Variants in ARHGAP24 observed in about 807,000 individuals in gnomAD.
ARHGAP24 encodes the protein Rho GTPase activating protein 24, also known as rho GTPase-activating protein 24.
ARHGAP24 carries 50 observed loss-of-function variants against 76.4 expected under a neutral mutation model. That is an observed-to-expected ratio of 0.65 (90% CI 0.52 to 0.83). The LOEUF is 0.83. Among genes scored for constraint, ARHGAP24 ranks in the 40% least tolerant of loss-of-function variants. The pLI, the probability that ARHGAP24 is intolerant of heterozygous loss-of-function variation, is 0.00. For synonymous variants in ARHGAP24, 345 were observed against 323.3 expected (o/e 1.07, Z -0.72); for missense variants, 930 against 914.2 (o/e 1.02, Z -0.22).
At chr4:85,642,559 C>T (rs1031271646) in intron 2 of ARHGAP24, among the ~76,000 whole-genome samples, 1 of 132,636 alleles carries the variant, frequency 7.5e-6, no homozygotes, top group Middle Eastern at 3.8e-3. Context: ...TTGAGAGTCA[C>T]GCTTGACTCT....
intron 2 of ARHGAP24, among the ~76,000 whole-genome samples, chr4:85,599,710 T>C (rs115751543): frequency 0.022 from 3,419 of 152,276 alleles, 137 homozygotes; most frequent in African/African-American, 0.078. Context: ...ATTCTAAATA[T>C]AAAATTTAAG....
At chr4:85,747,897 G>A (rs1020584) in intron 3 of ARHGAP24, among the ~76,000 whole-genome samples, 106,471 of 152,094 alleles carry the variant, frequency 0.7, 38,757 homozygotes, top group Non-Finnish European at 0.82. Flanking sequence ...GATTTGGAGG[G>A]GACAATGTTT....
At chr4:85,669,209 A>T (rs770286346) in intron 2 of ARHGAP24, among the ~76,000 whole-genome samples, 1 of 152,056 alleles carries the variant, frequency 6.6e-6, no homozygotes, top group Non-Finnish European at 1.5e-5. Flanking sequence ...ATTGCCTCAA[A>T]ATTCAATCTT....
intron 5 of ARHGAP24, among the ~76,000 whole-genome samples, chr4:85,963,564 T>C (rs2148844004): frequency 6.6e-6 from 1 of 152,246 alleles, no homozygotes; most frequent in South Asian, 2.1e-4. Flanking sequence ...CTTATAAGTG[T>C]CTCGATCCTG....
At chr4:85,669,658 T>A (rs1722753963) in intron 2 of ARHGAP24, among the ~76,000 whole-genome samples, 1 of 55,852 alleles carries the variant, frequency 1.8e-5, no homozygotes, top group African/African-American at 6.1e-5. Flanking sequence ...TATATATATA[T>A]ATATATATAT....
At chr4:85,666,775 G>T (rs1188023408) in intron 2 of ARHGAP24, among the ~76,000 whole-genome samples, 1 of 152,206 alleles carries the variant, frequency 6.6e-6, no homozygotes, top group East Asian at 1.9e-4. Context: ...GACCCTGTTT[G>T]CCTGGGTATC....
At chr4:85,868,214 A>C in intron 3 of ARHGAP24, among the ~76,000 whole-genome samples, 1 of 152,090 alleles carries the variant, frequency 6.6e-6, no homozygotes, top group Non-Finnish European at 1.5e-5. Context: ...AAAAGAGTTA[A>C]GTTATTGTCT....
intron 3 of ARHGAP24, among the ~76,000 whole-genome samples, chr4:85,792,408 C>T (rs191593430): frequency 2.6e-5 from 4 of 152,190 alleles, no homozygotes; most frequent in Admixed American, 2.6e-4. Flanking sequence ...GCACAAACTG[C>T]TTTAAAGAAA....
chr4:85,647,999 G>T (rs1048887676), intron 2 of ARHGAP24, among the ~76,000 whole-genome samples: 2 of 152,060 alleles, frequency 1.3e-5, no homozygotes, highest in Non-Finnish European at 2.9e-5. Context: ...AAAAATGGTT[G>T]CCATTGTTTG....
chr4:85,941,295 A>G (rs767671158), intron 4 of ARHGAP24, among the ~76,000 whole-genome samples: 5 of 152,184 alleles, frequency 3.3e-5, no homozygotes, highest in Non-Finnish European at 7.3e-5. Flanking sequence ...CAAGGAATGT[A>G]TGGTTTGTAG....
At chr4:85,629,534 T>G (rs1721091833) in intron 2 of ARHGAP24, among the ~76,000 whole-genome samples, 1 of 152,174 alleles carries the variant, frequency 6.6e-6, no homozygotes. Context: ...GTGAGACTGG[T>G]CTAGTAAAAA....
intron 8 of ARHGAP24, among the ~76,000 whole-genome samples, chr4:85,992,616 C>T (rs1165253535): frequency 3.3e-5 from 5 of 152,114 alleles, no homozygotes; most frequent in South Asian, 2.1e-4. Flanking sequence ...AGTGTGTCTG[C>T]GTGTGGGCAA....
intron 1 of ARHGAP24, among the ~76,000 whole-genome samples, chr4:85,510,467 A>C: frequency 1.4e-4 from 20 of 138,524 alleles, no homozygotes; most frequent in African/African-American, 3.3e-4. Context: ...CCCTCTCTCT[A>C]CCCGTTTGCC....
rs115782469 is a variant in ARHGAP24 at position 85,750,927 on chromosome 4, A to G, written c.268+28955A>G. 3.5e-3 allele frequency among the ~76,000 whole-genome samples: 537 copies of G among 152,310 alleles called. 5 individuals carry two copies. The highest frequency in any genetic ancestry group is 0.012 in the African/African-American group (499 of 41,558). The stretch of plus-strand genomic sequence containing the variant: ...TACACAGTTTTGTTGCAGGTATCAA[A>G]GAGTGTTTTCTTTGCCTTTCATAAT... On this transcript the variant is annotated intron_variant, in intron 3 of 9. Coordinates refer to ENST00000395184, the MANE Select transcript of ARHGAP24 (RefSeq NM_001025616.3).
In ARHGAP24 at chr4:85,691,236, A is replaced by T. The variant is rs77641622; in HGVS notation, c.181-30649A>T. Among the ~76,000 whole-genome samples, 402 of 152,042 alleles carry T rather than the reference A, an allele frequency of 2.6e-3. 2 individuals carry two copies. The highest frequency in any genetic ancestry group is 4.4e-3 in the Non-Finnish European group (301 of 67,924). ...GCTTGGTATGACTTTGATTTTTTTT[A>T]AAATGTATTGAGACTTTCTTTATGA... On this transcript the variant is annotated intron_variant, in intron 2 of 9. Coordinates refer to ENST00000395184, the MANE Select transcript of ARHGAP24 (RefSeq NM_001025616.3).
chr4:86,001,249 A>G lies in ARHGAP24; in HGVS notation c.*527A>G, dbSNP rs941482086. 2.5e-6 allele frequency: 1 copy of G among 399,090 alleles called. No homozygotes were observed. The highest frequency in any genetic ancestry group is 4.4e-6 in the Non-Finnish European group (1 of 226,112). The allele number at this position is 399,090 out of a possible 1,614,324, so 24.7% of individuals were successfully genotyped here. On this transcript the variant is annotated 3_prime_UTR_variant, in exon 10 of 10. Coordinates refer to ENST00000395184, the MANE Select transcript of ARHGAP24 (RefSeq NM_001025616.3). ...CTTTGTGGCTGTGCTGTTTGTGCCA[A>G]TAGACTTTGTCATGACCAAAAAGAG...
intron 2 of ARHGAP24, among the ~76,000 whole-genome samples, chr4:85,622,755 C>A (rs1326731831): frequency 6.6e-6 from 1 of 152,146 alleles, no homozygotes. Flanking sequence ...CTCTCCAGCA[C>A]CTATTGTTTC....
chr4:85,798,773 A>C (rs774362204), intron 3 of ARHGAP24, among the ~76,000 whole-genome samples: 1 of 152,206 alleles, frequency 6.6e-6, no homozygotes, highest in Non-Finnish European at 1.5e-5. Flanking sequence ...ATTGTAGCAA[A>C]TTGAGGGAGA....
intron 2 of ARHGAP24, among the ~76,000 whole-genome samples, chr4:85,683,267 C>T (rs984791708): frequency 6.6e-6 from 1 of 151,990 alleles, no homozygotes; most frequent in Non-Finnish European, 1.5e-5. Flanking sequence ...CCATTATCAA[C>T]CTTTCCATCT....
Sources: allele counts gnomAD v4.1 joint callset (sites outside exome capture counted in the v4.1 genomes callset), GRCh38; gene constraint gnomAD v4.1.1; transcripts MANE v1.5; gene names NCBI Gene and HGNC (gene_info 2026-07-23, HGNC 2026-07-21).